CACNA1D: variants seen among roughly 807,000 people sequenced by gnomAD.
The protein encoded by CACNA1D is voltage-dependent L-type calcium channel subunit alpha-1D.
Under a neutral mutation model 257.1 loss-of-function variants are expected in CACNA1D, and 55 were observed. The observed-to-expected ratio is 0.21, with a 90% CI of 0.17 to 0.27. The LOEUF is 0.27. CACNA1D is among the 10% of genes least tolerant of loss of function. The pLI, the probability that CACNA1D is intolerant of heterozygous loss-of-function variation, is 1.00. For synonymous variants in CACNA1D, 980 were observed against 1,014.9 expected, an observed-to-expected ratio of 0.97 and a Z score of 0.65; for missense variants, 1,876 against 2,784.0, an observed-to-expected ratio of 0.67 and a Z score of 7.34.
At chr3:53,738,080 G>T (rs2095076858) in intron 20 of CACNA1D, among the ~76,000 whole-genome samples, 1 of 152,188 alleles carries the variant, frequency 6.6e-6, no homozygotes, top group Admixed American at 6.5e-5. Context: ...TTATTACCAA[G>T]AAACCCGACC....
rs997514713 is a variant in CACNA1D, at chr3:53,683,522, C to T, written c.1220+10396C>T. On this transcript the variant is annotated intron_variant, in intron 8 of 47. Transcript: ENST00000350061. The stretch of plus-strand genomic sequence containing the variant: ...ACTCAGATGTTCCCAGAATGTTTTT[C>T]CTCATGACCCAAAACTATAAGACAT... 2.6e-5 allele frequency among the ~76,000 whole-genome samples: 4 copies of T among 152,146 alleles called. No homozygotes were observed. In the East Asian group the frequency reaches 7.7e-4, roughly 29 times the overall value.
intron 3 of CACNA1D, among the ~76,000 whole-genome samples, chr3:53,530,859 T>C (rs907182197): frequency 3.9e-5 from 6 of 151,976 alleles, no homozygotes; most frequent in African/African-American, 1.4e-4. Flanking sequence ...TTTTCTTTTT[T>C]TTTTTCTGAG....
intron 8 of CACNA1D, among the ~76,000 whole-genome samples, chr3:53,701,434 G>A (rs777314309): frequency 6.6e-6 from 1 of 152,166 alleles, no homozygotes; most frequent in Non-Finnish European, 1.5e-5. Context: ...GCCTGGCTGG[G>A]GTTAGCTTTA....
Position 53,731,101 on chromosome 3 carries a change from GAAC to G in CACNA1D, c.2367_2369del (p.Asn789del), listed in dbSNP as rs1380927083. On this transcript the variant is annotated inframe_deletion, in exon 17 of 48. Transcript: ENST00000350061. ...GAAAAGAGAGCCTAGAAAATAAAAAGAACAACAAACCAGAAGTCAACCAGATAG... is the reference window on the plus strand; with the variant it reads ...GAAAAGAGAGCCTAGAAAATAAAAAGAACAAACCAGAAGTCAACCAGATAG... The G allele has an allele frequency of 1.9e-6, 3 of 1,610,416 alleles. No individual in the cohort carries two copies. Among genetic ancestry groups the G allele is most frequent in the Non-Finnish European group, 2.5e-6 (3 of 1,176,708 alleles).
At chr3:53,657,569 A>G (rs1308836280) in intron 4 of CACNA1D, among the ~76,000 whole-genome samples, 1 of 152,252 alleles carries the variant, frequency 6.6e-6, no homozygotes, top group Non-Finnish European at 1.5e-5. Flanking sequence ...GTGATTTAAA[A>G]TGCAAAAAAA....
chr3:53,691,901 ATATAT>A (rs67336498), intron 8 of CACNA1D, among the ~76,000 whole-genome samples: 19,370 of 67,072 alleles, frequency 0.29, 2,198 homozygotes, highest in East Asian at 0.53. Flanking sequence ...TATATATTAC[ATATAT>A]TATATATAAT....
At chr3:53,794,656 C>G (rs1216445791) in intron 40 of CACNA1D, among the ~76,000 whole-genome samples, 1 of 152,156 alleles carries the variant, frequency 6.6e-6, no homozygotes, top group Non-Finnish European at 1.5e-5. Flanking sequence ...CCTTGTGTGT[C>G]AATATTTACT....
chr3:53,632,528 G>C (rs1369974317), intron 3 of CACNA1D, among the ~76,000 whole-genome samples: 1 of 152,214 alleles, frequency 6.6e-6, no homozygotes, highest in Non-Finnish European at 1.5e-5. Context: ...CTTTTGCTTT[G>C]CATTCACAAC....
intron 40 of CACNA1D, chr3:53,791,368 A>C: frequency 4.4e-6 from 1 of 225,596 alleles, no homozygotes. Flanking sequence ...CCACAGAGAA[A>C]TGAAATGAAC....
At chr3:53,628,032 T>TA (rs940011018) in intron 3 of CACNA1D, among the ~76,000 whole-genome samples, 3 of 151,746 alleles carry the variant, frequency 2.0e-5, no homozygotes, top group Non-Finnish European at 2.9e-5. Flanking sequence ...AAAAAATAAA[T>TA]AAATAAAATA....
intron 20 of CACNA1D, 110 bp from the exon 21 acceptor site, chr3:53,740,170 T>C (rs1221934303): frequency 1.2e-6 from 1 of 842,454 alleles, no homozygotes; most frequent in East Asian, 2.4e-5. Flanking sequence ...TGGCAGGGTT[T>C]TCCTGGAGGG....
chr3:53,802,129 T>C lies in CACNA1D; in HGVS notation c.5409-18T>C. 1 of 1,598,622 alleles carries C rather than the reference T, an allele frequency of 6.3e-7. No homozygotes were observed. Among genetic ancestry groups the C allele is most frequent in the East Asian group, 2.2e-5 (1 of 44,828 alleles). On this transcript the variant is annotated intron_variant, in intron 42 of 47. Coordinates refer to ENST00000350061, the MANE Select transcript of CACNA1D (RefSeq NM_001128840.3). ...TTTATCTTCTCCCTCCTTCCCATGT[T>C]ATGCCTTTCCTGGATAGAACCCGCT... is the stretch of plus-strand genomic sequence containing the variant.
At chr3:53,648,886 T>C (rs1362576729) in intron 3 of CACNA1D, among the ~76,000 whole-genome samples, 1 of 151,184 alleles carries the variant, frequency 6.6e-6, no homozygotes, top group Non-Finnish European at 1.5e-5. Flanking sequence ...ACTGTTATAA[T>C]GGTGTTCTGA....
intron 19 of CACNA1D, among the ~76,000 whole-genome samples, chr3:53,734,385 TAC>T (rs2095036194): frequency 6.6e-6 from 1 of 152,036 alleles, no homozygotes; most frequent in African/African-American, 2.4e-5. Flanking sequence ...TATACATATA[TAC>T]ACACATATAC....
intron 3 of CACNA1D, among the ~76,000 whole-genome samples, chr3:53,600,502 G>A (rs933450358): frequency 2.0e-5 from 3 of 152,138 alleles, no homozygotes; most frequent in African/African-American, 7.2e-5. Flanking sequence ...GAACAGACAG[G>A]GAAACTGAGA....
intron 3 of CACNA1D, among the ~76,000 whole-genome samples, chr3:53,591,681 C>T (rs1255645745): frequency 6.6e-6 from 1 of 152,214 alleles, no homozygotes; most frequent in Non-Finnish European, 1.5e-5. Context: ...AATTATAATT[C>T]TAAGATTATA....
At chr3:53,567,343 T>C (rs1461070625) in intron 3 of CACNA1D, among the ~76,000 whole-genome samples, 2 of 152,244 alleles carry the variant, frequency 1.3e-5, no homozygotes, top group Non-Finnish European at 2.9e-5. Context: ...TTTTTCATTA[T>C]GAAAGAGGCT....
At chr3:53,664,638 T>C (rs1363278360) in intron 5 of CACNA1D, among the ~76,000 whole-genome samples, 1 of 151,724 alleles carries the variant, frequency 6.6e-6, no homozygotes, top group Non-Finnish European at 1.5e-5. Context: ...GTTGCCTCTC[T>C]CCCATGCCCA....
At chr3:53,740,167 G>C in intron 20 of CACNA1D, 113 bp from the exon 21 acceptor site, 2 of 830,590 alleles carry the variant, frequency 2.4e-6, no homozygotes, top group South Asian at 2.7e-5. Context: ...GAATGGCAGG[G>C]TTTTCCTGGA....
Sources: allele counts gnomAD v4.1 joint callset (sites outside exome capture counted in the v4.1 genomes callset), GRCh38; gene constraint gnomAD v4.1.1; transcripts MANE v1.5; gene names NCBI Gene and HGNC (gene_info 2026-07-23, HGNC 2026-07-21).